Variants in HYAL4 observed in about 807,000 individuals in gnomAD.
HYAL4 encodes hyaluronidase-4.
Under a neutral mutation model 35.2 loss-of-function variants are expected in HYAL4, and 37 were observed. The observed-to-expected ratio is 1.05, with a 90% CI of 0.81 to 1.38. The LOEUF (loss-of-function observed/expected upper bound fraction) is 1.38. HYAL4 is among the 40% of genes most tolerant of loss of function. HYAL4 has a pLI of 0.00. For synonymous variants in HYAL4, 198 were observed against 203.2 expected (o/e 0.97, Z 0.22); for missense variants, 572 against 572.4 (o/e 1.00, Z 0.01).
At chr7:123,810,708 C>A in the HYAL4 span, among the ~76,000 whole-genome samples, 11 of 152,194 alleles carry the variant, frequency 7.2e-5, no homozygotes, top group African/African-American at 2.4e-4. Context: ...AGGGTTCACT[C>A]TTCGTGTTGT....
chr7:123,825,732 A>G (rs1454229921), upstream of HYAL4, among the ~76,000 whole-genome samples: 4 of 152,104 alleles, frequency 2.6e-5, no homozygotes, highest in Non-Finnish European at 4.4e-5. Context: ...CAATCAATCA[A>G]TCATGTCTCT....
chr7:123,784,487 G>T, the HYAL4 span, among the ~76,000 whole-genome samples: 1 of 152,128 alleles, frequency 6.6e-6, no homozygotes, highest in African/African-American at 2.4e-5. Context: ...TCCTTGGAAA[G>T]AATTATTTTG....
At chr7:123,794,142 G>A in the HYAL4 span, among the ~76,000 whole-genome samples, 1 of 152,210 alleles carries the variant, frequency 6.6e-6, no homozygotes, top group African/African-American at 2.4e-5. Flanking sequence ...CAAAAAGACT[G>A]ATGGCACTTT....
the HYAL4 span, chr7:123,819,359 A>G: frequency 3.9e-5 from 6 of 152,588 alleles, no homozygotes; most frequent in African/African-American, 9.7e-5. Context: ...AGTGCATGCA[A>G]TTGGCGAAAG....
intron 2 of HYAL4, among the ~76,000 whole-genome samples, chr7:123,850,174 CTTG>C: frequency 6.6e-6 from 1 of 152,262 alleles, no homozygotes; most frequent in African/African-American, 2.4e-5. Flanking sequence ...TTATTTCAGC[CTTG>C]CTTGTAAATT....
the HYAL4 span, among the ~76,000 whole-genome samples, chr7:123,810,974 T>C: frequency 6.6e-6 from 1 of 152,244 alleles, no homozygotes; most frequent in East Asian, 1.9e-4. Flanking sequence ...TACTTAATTC[T>C]CTTAGTAATA....
the HYAL4 span, among the ~76,000 whole-genome samples, chr7:123,801,876 T>C: frequency 6.6e-6 from 1 of 152,238 alleles, no homozygotes; most frequent in Admixed American, 6.5e-5. Context: ...AAATTGTGAT[T>C]CTCCCCAGCA....
chr7:123,847,807 G>A (rs1213349372), intron 1 of HYAL4, among the ~76,000 whole-genome samples: 1 of 152,134 alleles, frequency 6.6e-6, no homozygotes, highest in African/African-American at 2.4e-5. Context: ...ACATGCTTTA[G>A]TACACAAAGC....
At chr7:123,867,948 C>T (rs548430915) in intron 2 of HYAL4, among the ~76,000 whole-genome samples, 24 of 152,236 alleles carry the variant, frequency 1.6e-4, no homozygotes, top group African/African-American at 5.8e-4. Flanking sequence ...TTTATCTGAT[C>T]ATGAACTCCT....
the HYAL4 span, among the ~76,000 whole-genome samples, chr7:123,813,278 G>A: frequency 6.6e-6 from 1 of 152,110 alleles, no homozygotes; most frequent in Non-Finnish European, 1.5e-5. Context: ...AAACCATATT[G>A]CTTTCAGGAT....
intron 2 of HYAL4, among the ~76,000 whole-genome samples, chr7:123,867,839 AG>A (rs1806726900): frequency 6.6e-6 from 1 of 152,196 alleles, no homozygotes; most frequent in South Asian, 2.1e-4. Context: ...AGCCTTATGT[AG>A]TTATTACAAG....
chr7:123,827,517 T>C (rs1805815755), upstream of HYAL4, among the ~76,000 whole-genome samples: 1 of 152,148 alleles, frequency 6.6e-6, no homozygotes, highest in Non-Finnish European at 1.5e-5. Context: ...TTTTATTTTA[T>C]TGTGTCTTTC....
chr7:123,828,654 T>A (rs1346706572), upstream of HYAL4, among the ~76,000 whole-genome samples: 2 of 152,182 alleles, frequency 1.3e-5, no homozygotes, highest in Non-Finnish European at 2.9e-5. Context: ...ATTAATGATA[T>A]CTTTTAAAAG....
At chr7:123,812,037 T>G in the HYAL4 span, among the ~76,000 whole-genome samples, 1 of 152,264 alleles carries the variant, frequency 6.6e-6, no homozygotes, top group Non-Finnish European at 1.5e-5. Context: ...AGATGGGGTT[T>G]CACCATGTTG....
the HYAL4 span, among the ~76,000 whole-genome samples, chr7:123,819,821 T>A: frequency 6.6e-6 from 1 of 152,154 alleles, no homozygotes; most frequent in Non-Finnish European, 1.5e-5. Context: ...AAGTAATAAA[T>A]TTTAAAAATG....
intron 3 of HYAL4, among the ~76,000 whole-genome samples, chr7:123,874,138 G>T (rs1192890336): frequency 2.0e-5 from 3 of 152,138 alleles, no homozygotes; most frequent in Non-Finnish European, 4.4e-5. Flanking sequence ...GTGGGTATGT[G>T]CCCCCGATTT....
chr7:123,855,564 TCTACTGTTAGTCTGATGGA>T (rs1204237542), intron 2 of HYAL4, among the ~76,000 whole-genome samples: 4 of 152,204 alleles, frequency 2.6e-5, no homozygotes, highest in Non-Finnish European at 5.9e-5. Flanking sequence ...TGCCAAGAGA[TCTACTGTTAGTCTGATGGA>T]CTTCCCTTTG....
the HYAL4 span, among the ~76,000 whole-genome samples, chr7:123,823,784 T>C: frequency 6.6e-6 from 1 of 150,634 alleles, no homozygotes; most frequent in South Asian, 2.1e-4. Flanking sequence ...TATATGAATT[T>C]ATTCATTTCT....
chr7:123,806,630 TC>T, the HYAL4 span, among the ~76,000 whole-genome samples: 2 of 151,714 alleles, frequency 1.3e-5, no homozygotes, highest in Non-Finnish European at 2.9e-5. Flanking sequence ...TTTTTTTTTT[TC>T]AGTAGAGATG....
Sources: gnomAD v4.1 joint callset for allele counts (sites outside exome capture counted in the v4.1 genomes callset) on GRCh38, gnomAD v4.1.1 for gene constraint, MANE v1.5 for transcripts, NCBI Gene and HGNC (gene_info 2026-07-23, HGNC 2026-07-21) for gene names.